CDH4: variants seen among roughly 807,000 people sequenced by gnomAD.
CDH4 encodes cadherin-4.
A neutral mutation model predicts 86.0 loss-of-function variants in CDH4; 33 were observed. That is an observed-to-expected ratio of 0.38 (90% confidence interval 0.29 to 0.51). The LOEUF (loss-of-function observed/expected upper bound fraction) is 0.51, where lower values mean the gene tolerates loss of function less well. Among genes scored for constraint, CDH4 ranks in the 20% least tolerant of loss-of-function variants. The pLI is 0.86. For missense variants in CDH4, 1,114 were observed against 1,307.4 expected (o/e 0.85, Z 2.28); for synonymous variants, 555 against 549.4 (o/e 1.01, Z -0.14).
At chr20:61,761,356 G>A (rs116575783) in intron 3 of CDH4, among the ~76,000 whole-genome samples, 1,589 of 152,290 alleles carry the variant, frequency 0.01, 25 homozygotes, top group African/African-American at 0.036. Flanking sequence ...GGAAGAAATC[G>A]TATCCTCCCT....
At chr20:61,739,781 G>A (rs762234063) in intron 2 of CDH4, among the ~76,000 whole-genome samples, 2 of 152,232 alleles carry the variant, frequency 1.3e-5, no homozygotes, top group Non-Finnish European at 2.9e-5. Flanking sequence ...GGCCGCTCCC[G>A]GCCGCTGCAG....
rs1019473449 is a variant in CDH4 at position 61,691,003 on chromosome 20, G to A, written c.170-52560G>A. On this transcript the variant is annotated intron_variant, in intron 2 of 15. Coordinates refer to ENST00000614565, the MANE Select transcript of CDH4 (RefSeq NM_001794.5). ...CCAGAGGCCCAGCCCTTCCTGGGTC[G>A]AGATGAACTCACAGAATGATTTTAG... Among the ~76,000 whole-genome samples the A allele has an allele frequency of 7.9e-5, 12 of 152,170 alleles. 1 individual carries two copies. The highest frequency in any genetic ancestry group is 1.3e-4 in the Non-Finnish European group (9 of 68,020).
intron 2 of CDH4, among the ~76,000 whole-genome samples, chr20:61,680,605 C>T (rs144205264): frequency 1.3e-4 from 20 of 152,298 alleles, no homozygotes; most frequent in African/African-American, 3.8e-4. Context: ...GAGCATCCCC[C>T]GAGGATAGAA....
At chr20:61,580,335 A>G (rs993262747) in intron 2 of CDH4, among the ~76,000 whole-genome samples, 3 of 152,094 alleles carry the variant, frequency 2.0e-5, no homozygotes, top group East Asian at 3.9e-4. Flanking sequence ...CATGCCTGCA[A>G]TCCCAGCTAC....
At chr20:61,398,075 G>C (rs1224488074) in intron 2 of CDH4, among the ~76,000 whole-genome samples, 8 of 152,122 alleles carry the variant, frequency 5.3e-5, no homozygotes, top group African/African-American at 1.7e-4. Context: ...TCTTTCCACC[G>C]ATTCACTTGC....
chr20:61,902,428 C>T lies in CDH4; in HGVS notation c.1188+7381C>T, dbSNP rs542183545. On this transcript the variant is annotated intron_variant, in intron 8 of 15. Coordinates refer to ENST00000614565, the MANE Select transcript of CDH4 (RefSeq NM_001794.5). The surrounding 1 kb of genome is among the most constrained non-coding windows in gnomAD (Gnocchi z 4.6). ...CACCCCGCAGAACCGCTCCCGTGCT[C>T]GTTGCAGGAGTGCAAGGGCAGATCC... Among the ~76,000 whole-genome samples the T allele has an allele frequency of 1.6e-4, 24 of 152,342 alleles. No homozygotes were observed. In the South Asian group the frequency reaches 5.0e-3, roughly 32 times the overall value.
At chr20:61,398,567 C>T (rs1000677004) in intron 2 of CDH4, among the ~76,000 whole-genome samples, 14 of 152,178 alleles carry the variant, frequency 9.2e-5, no homozygotes, top group Non-Finnish European at 5.9e-5. Flanking sequence ...AGTCTCCCGG[C>T]GAAATTCCCT....
chr20:61,654,107 C>G (rs2087160372), intron 2 of CDH4, among the ~76,000 whole-genome samples: 1 of 152,072 alleles, frequency 6.6e-6, no homozygotes. Context: ...GAGCTGAGAT[C>G]ACGCCACTGC....
chr20:61,606,673 C>T (rs2086648226), intron 2 of CDH4, among the ~76,000 whole-genome samples: 1 of 152,260 alleles, frequency 6.6e-6, no homozygotes. Flanking sequence ...CGCCGCTCCT[C>T]AGTTGTGTAG....
intron 3 of CDH4, among the ~76,000 whole-genome samples, chr20:61,756,051 G>T (rs6061800): frequency 6.6e-6 from 1 of 152,198 alleles, no homozygotes; most frequent in Non-Finnish European, 1.5e-5. Context: ...GGCAGGCTGC[G>T]CCACTGTGTC....
At chr20:61,385,920 T>A (rs2145456994) in intron 2 of CDH4, among the ~76,000 whole-genome samples, 1 of 152,240 alleles carries the variant, frequency 6.6e-6, no homozygotes, top group South Asian at 2.1e-4. Context: ...GGTTCATGCA[T>A]CATGTGGGTA....
intron 2 of CDH4, among the ~76,000 whole-genome samples, chr20:61,667,786 T>C (rs1480243932): frequency 6.6e-6 from 1 of 152,168 alleles, no homozygotes. Context: ...CCTCGGTGAG[T>C]TTCCTGGACA....
intron 2 of CDH4, among the ~76,000 whole-genome samples, chr20:61,666,079 A>G (rs1229408014): frequency 2.0e-5 from 3 of 151,622 alleles, no homozygotes; most frequent in Non-Finnish European, 3.0e-5. Context: ...CCCAAATCCC[A>G]CTTGTGTTTT....
Position 61,681,164 on chromosome 20 carries a change from C to T in CDH4, c.170-62399C>T, listed in dbSNP as rs961309193. ...AAAATGTCTCTGCAAGGGTAAAACACCCGCCCTCACGTCCTAATGGCTTTT... is the reference window on the plus strand; with the variant it reads ...AAAATGTCTCTGCAAGGGTAAAACATCCGCCCTCACGTCCTAATGGCTTTT... On this transcript the variant is annotated intron_variant, in intron 2 of 15. Coordinates refer to ENST00000614565, the MANE Select transcript of CDH4 (RefSeq NM_001794.5). The surrounding 1 kb of genome is among the most constrained non-coding windows in gnomAD (Gnocchi z 4.5). Among the ~76,000 whole-genome samples, 1 of 152,196 alleles carries T rather than the reference C, an allele frequency of 6.6e-6. No homozygotes were observed. The highest frequency in any genetic ancestry group is 1.5e-5 in the Non-Finnish European group (1 of 68,036).
rs557332979 is a variant in CDH4, at chr20:61,741,652, C to T, written c.170-1911C>T. Among the ~76,000 whole-genome samples, 19 of 152,090 alleles carry T rather than the reference C, an allele frequency of 1.2e-4. No individual in the cohort carries two copies. In the East Asian group the frequency reaches 1.7e-3, roughly 14 times the overall value. On this transcript the variant is annotated intron_variant, in intron 2 of 15. Coordinates refer to ENST00000614565, the MANE Select transcript of CDH4 (RefSeq NM_001794.5). Reference sequence around the variant, plus strand: ...GACTACAGGCACCCGCCACCACGCCCGGCTAACTTTTTGTATTTTTAGTAG... The same window carrying T: ...GACTACAGGCACCCGCCACCACGCCTGGCTAACTTTTTGTATTTTTAGTAG...
At chr20:61,785,669 G>T (rs1351200058) in intron 4 of CDH4, among the ~76,000 whole-genome samples, 11 of 152,036 alleles carry the variant, frequency 7.2e-5, no homozygotes, top group Non-Finnish European at 2.9e-5. Flanking sequence ...CCCCACCCAG[G>T]TGTGCAGGGC....
At chr20:61,565,221 T>TGGTGGTTGTGGTCCTCTTGGTGATGGGG (rs1414076004) in intron 2 of CDH4, among the ~76,000 whole-genome samples, 4 of 40,548 alleles carry the variant, frequency 9.9e-5, no homozygotes, top group Non-Finnish European at 2.0e-4. Context: ...CTCTCGGTGG[T>TGGTGGTTGTGGTCCTCTTGGTGATGGGG]AGGTGGTGGT....
At chr20:61,371,718 G>T (rs1006636832) in intron 2 of CDH4, among the ~76,000 whole-genome samples, 2 of 152,258 alleles carry the variant, frequency 1.3e-5, no homozygotes, top group Non-Finnish European at 2.9e-5. Flanking sequence ...TGGGGCTCCC[G>T]TGGAGACCTC....
intron 2 of CDH4, among the ~76,000 whole-genome samples, chr20:61,371,439 C>T (rs558097802): frequency 5.3e-5 from 8 of 152,358 alleles, no homozygotes; most frequent in South Asian, 2.1e-4. Flanking sequence ...AAGTGTCAGA[C>T]GCTGCGGACG....
Sources: allele counts gnomAD v4.1 joint callset (sites outside exome capture counted in the v4.1 genomes callset), GRCh38; gene constraint gnomAD v4.1.1; non-coding constraint Gnocchi (gnomAD v3.1); transcripts MANE v1.5; gene names NCBI Gene and HGNC (gene_info 2026-07-23, HGNC 2026-07-21).